LPP: variants seen among roughly 807,000 people sequenced by gnomAD.
LPP encodes LIM domain containing preferred translocation partner in lipoma, also known as lipoma-preferred partner.
LPP carries 38 observed loss-of-function variants against 60.4 expected under a neutral mutation model. The ratio of observed to expected loss-of-function variants is 0.63; its 90% CI spans 0.49 to 0.83. The LOEUF (loss-of-function observed/expected upper bound fraction) is 0.83. LPP is among the 40% of genes least tolerant of loss of function. The pLI, the probability that LPP is intolerant of heterozygous loss-of-function variation, is 0.00. For missense variants in LPP, 902 were observed against 783.6 expected, an observed-to-expected ratio of 1.15 and a Z score of -1.80; for synonymous variants, 328 against 290.8, an observed-to-expected ratio of 1.13 and a Z score of -1.30.
At chr3:188,481,100 G>GATGA (rs754410632) in intron 4 of LPP, among the ~76,000 whole-genome samples, 2 of 152,158 alleles carry the variant, frequency 1.3e-5, no homozygotes, top group Non-Finnish European at 2.9e-5. Context: ...CTATGAAAAT[G>GATGA]ATGAGCTCTG....
chr3:188,382,731 TTTG>T (rs930167372), intron 3 of LPP, among the ~76,000 whole-genome samples: 1 of 152,236 alleles, frequency 6.6e-6, no homozygotes, highest in Non-Finnish European at 1.5e-5. Flanking sequence ...TCTTCACTTT[TTTG>T]TTGTTGTTGT....
rs568335595 is a variant in LPP, at chr3:188,812,897, CT to C, written c.1410+52625del. ...GGTTTGATTTGGGGAAAAAATTACA[CT>C]TTTTTTTTTATCCTTTAGCTTTTCT... On this transcript the variant is annotated intron_variant, in intron 9 of 11. Coordinates refer to ENST00000617246, the MANE Select transcript of LPP (RefSeq NM_001375462.1). Among the ~76,000 whole-genome samples, 52 of 148,196 alleles carry C rather than the reference CT, an allele frequency of 3.5e-4. 1 individual carries two copies. The highest frequency in any genetic ancestry group is 9.4e-4 in the African/African-American group (38 of 40,480).
At chr3:188,723,083 C>A (rs1461811113) in intron 8 of LPP, among the ~76,000 whole-genome samples, 1 of 152,054 alleles carries the variant, frequency 6.6e-6, no homozygotes, top group African/African-American at 2.4e-5. Context: ...GTTTGCTGAG[C>A]AAACTACTCT....
At chr3:188,656,121 G>A (rs1035468861) in intron 7 of LPP, among the ~76,000 whole-genome samples, 2 of 151,780 alleles carry the variant, frequency 1.3e-5, no homozygotes, top group Admixed American at 6.6e-5. Flanking sequence ...GAACCCAGGA[G>A]GTGGAGGTTG....
chr3:188,445,976 TC>T (rs768012898), intron 4 of LPP, among the ~76,000 whole-genome samples: 73 of 152,340 alleles, frequency 4.8e-4, no homozygotes, highest in South Asian at 4.1e-4. Flanking sequence ...ATTTGTTTCT[TC>T]CGTATGCCAT....
intron 6 of LPP, among the ~76,000 whole-genome samples, chr3:188,541,034 A>T (rs1029417052): frequency 6.6e-6 from 1 of 152,236 alleles, no homozygotes; most frequent in Admixed American, 6.5e-5. Flanking sequence ...GGTTAACAAG[A>T]TAATTCCTCT....
intron 4 of LPP, among the ~76,000 whole-genome samples, chr3:188,455,523 A>G (rs1475940594): frequency 6.6e-6 from 1 of 152,164 alleles, no homozygotes; most frequent in African/African-American, 2.4e-5. Context: ...AATTGATATC[A>G]TGTGTGACAT....
chr3:188,794,782 G>C (rs562548337), intron 9 of LPP, among the ~76,000 whole-genome samples: 1 of 152,090 alleles, frequency 6.6e-6, no homozygotes, highest in African/African-American at 2.4e-5. Context: ...CCAAGATTAT[G>C]CTCAGCCCCG....
At position 188,548,948 on chromosome 3, in the gene LPP, A is replaced by G. The variant is rs545361684; in HGVS notation, c.429+24161A>G. 8.5e-5 allele frequency among the ~76,000 whole-genome samples: 13 copies of G among 152,310 alleles called. 1 individual carries two copies. Among genetic ancestry groups the G allele is most frequent in the African/African-American group, 2.9e-4 (12 of 41,566 alleles). ...TAGTAGGAATAGGTTCTAGTGTTCT[A>G]TACCACGTGGGATAACTATAGTTAG... is the stretch of plus-strand genomic sequence containing the variant. On this transcript the variant is annotated intron_variant, in intron 6 of 11. Transcript: ENST00000617246.
At chr3:188,241,505 A>T (rs1724819453) in intron 2 of LPP, among the ~76,000 whole-genome samples, 1 of 152,028 alleles carries the variant, frequency 6.6e-6, no homozygotes, top group Admixed American at 6.5e-5. Flanking sequence ...AGGTTCATTT[A>T]TGTTGATTTG....
chr3:188,250,922 C>CCCTTCCCTTCCCTTT (rs1729274415), intron 2 of LPP, among the ~76,000 whole-genome samples: 1 of 4,398 alleles, frequency 2.3e-4, no homozygotes, highest in African/African-American at 1.6e-3. Context: ...CTTCCTTCCT[C>CCCTTCCCTTCCCTTT]CCTTCCCTTC....
chr3:188,606,499 C>T (rs965379285), intron 6 of LPP, among the ~76,000 whole-genome samples: 8 of 151,866 alleles, frequency 5.3e-5, no homozygotes, highest in East Asian at 1.9e-4. Flanking sequence ...TTTGGATATT[C>T]GTCTTTAAAA....
intron 2 of LPP, among the ~76,000 whole-genome samples, chr3:188,298,754 C>T (rs1748757904): frequency 6.6e-6 from 1 of 152,198 alleles, no homozygotes; most frequent in African/African-American, 2.4e-5. Context: ...GGAAGCTGAA[C>T]AATCCTATAA....
At chr3:188,641,484 A>G (rs1021232513) in intron 7 of LPP, among the ~76,000 whole-genome samples, 1 of 152,186 alleles carries the variant, frequency 6.6e-6, no homozygotes, top group African/African-American at 2.4e-5. Flanking sequence ...AGGTAGGAAA[A>G]CAAAATGAGA....
Position 188,217,693 on chromosome 3 carries a change from G to A in LPP, c.-189-7712G>A, listed in dbSNP as rs1217024140. Reference sequence around the variant, plus strand: ...TTCAGAGAAATGCTGAGCTAAATGGGCAGGAATCTGGGATACTCAGAGGGA... The same window carrying A: ...TTCAGAGAAATGCTGAGCTAAATGGACAGGAATCTGGGATACTCAGAGGGA... On this transcript the variant is annotated intron_variant, in intron 1 of 11. Coordinates refer to ENST00000617246, the MANE Select transcript of LPP (RefSeq NM_001375462.1). The surrounding 1 kb of genome is among the most constrained non-coding windows in gnomAD (Gnocchi z 4.0). 6.6e-6 allele frequency among the ~76,000 whole-genome samples: 1 copy of A among 152,130 alleles called. No homozygotes were observed. The highest frequency in any genetic ancestry group is 1.5e-5 in the Non-Finnish European group (1 of 68,016).
At chr3:188,708,164 C>T in intron 7 of LPP, 103 bp from the exon 8 acceptor site, 1 of 1,313,488 alleles carries the variant, frequency 7.6e-7, no homozygotes, top group Non-Finnish European at 1.1e-6. Context: ...CAGCCACGTC[C>T]AGTGCTTTTT....
intron 1 of LPP, chr3:188,179,519 A>G (rs1047080549): frequency 4.4e-6 from 2 of 457,660 alleles, no homozygotes; most frequent in South Asian, 1.5e-5. Context: ...TGCATTTTCT[A>G]CACTTAGAGT....
intron 2 of LPP, among the ~76,000 whole-genome samples, chr3:188,235,542 T>C (rs1721592950): frequency 6.6e-6 from 1 of 152,200 alleles, no homozygotes; most frequent in African/African-American, 2.4e-5. Context: ...ATTTAAATAA[T>C]TTCCATTTTA....
At chr3:188,717,438 T>G (rs2149815765) in intron 8 of LPP, among the ~76,000 whole-genome samples, 1 of 152,358 alleles carries the variant, frequency 6.6e-6, no homozygotes, top group South Asian at 2.1e-4. Context: ...GGGAAATGAC[T>G]CCAGGTAGGC....
Sources: allele counts gnomAD v4.1 joint callset (sites outside exome capture counted in the v4.1 genomes callset), GRCh38; gene constraint gnomAD v4.1.1; non-coding constraint Gnocchi (gnomAD v3.1); transcripts MANE v1.5; gene names NCBI Gene and HGNC (gene_info 2026-07-23, HGNC 2026-07-21).